PLCG2: variants seen among roughly 807,000 people sequenced by gnomAD.
PLCG2 encodes phospholipase C gamma 2.
In PLCG2, 69 loss-of-function variants were observed where a neutral mutation model predicts 175.6. That is an observed-to-expected ratio of 0.39 (90% CI 0.32 to 0.48). The LOEUF (loss-of-function observed/expected upper bound fraction) is 0.48. Among genes scored for constraint, PLCG2 ranks in the 20% least tolerant of loss-of-function variants. The pLI is 0.91. For synonymous variants in PLCG2, 827 were observed against 624.0 expected (o/e 1.33, Z -4.85); for missense variants, 1,798 against 1,650.9 (o/e 1.09, Z -1.54).
chr16:81,811,010 T>C (rs9930054), intron 2 of PLCG2, among the ~76,000 whole-genome samples: 40,302 of 152,090 alleles, frequency 0.26, 6,097 homozygotes, highest in African/African-American at 0.42. Context: ...TTCCTGGCCC[T>C]AGTGGCTGTG....
Position 81,927,109 on chromosome 16 carries a change from C to T in PLCG2, c.2445C>T (p.Ile815=), listed in dbSNP as rs747815875. The change falls in exon 23 of 33, where the codon ATC becomes ATT. Residue 815 remains isoleucine (I), a synonymous_variant. Coordinates refer to ENST00000564138, the MANE Select transcript of PLCG2 (RefSeq NM_002661.5). ...GWWKGDYGTR[I]QQYFPSNYVE... Reference sequence around the variant, plus strand: ...GGAAAGGAGACTATGGAACCAGGATCCAGCAGTACTTCCCATCCAACTACG... The same window carrying T: ...GGAAAGGAGACTATGGAACCAGGATTCAGCAGTACTTCCCATCCAACTACG... 1.2e-6 allele frequency: 2 copies of T among 1,613,478 alleles called. No individual in the cohort carries two copies. The highest frequency in any genetic ancestry group is 4.5e-5 in the East Asian group (2 of 44,894).
chr16:81,938,792 G>T lies in PLCG2; in HGVS notation c.3199-9G>T, dbSNP rs546604566. 1.3e-6 allele frequency: 2 copies of T among 1,576,906 alleles called. No homozygotes were observed. Among genetic ancestry groups the T allele is most frequent in the South Asian group, 2.2e-5 (2 of 89,338 alleles). The stretch of plus-strand genomic sequence containing the variant: ...AGGGGGGTTCCAATGCTTCCCTTTG[G>T]TGTCCCAGGTTCTCGGTGCTCGCCA... On this transcript the variant is annotated splice_polypyrimidine_tract_variant and intron_variant, in intron 28 of 32. Coordinates refer to ENST00000564138, the MANE Select transcript of PLCG2 (RefSeq NM_002661.5).
chr16:81,821,428 G>A (rs1251283604), intron 2 of PLCG2, among the ~76,000 whole-genome samples: 2 of 152,200 alleles, frequency 1.3e-5, no homozygotes, highest in African/African-American at 4.8e-5. Flanking sequence ...ATGTACATGT[G>A]TAGTTGGGCA....
intron 2 of PLCG2, among the ~76,000 whole-genome samples, chr16:81,851,507 T>G (rs773982961): frequency 1.7e-4 from 26 of 151,974 alleles, no homozygotes; most frequent in Non-Finnish European, 3.4e-4. Context: ...ACATGGCCTT[T>G]TTGTTGTTGT....
In PLCG2 at chr16:81,786,128, A is replaced by C. The variant is rs758215832; in HGVS notation, c.139A>C (p.Met47Leu). 1.2e-6 allele frequency: 2 copies of C among 1,614,200 alleles called. No individual in the cohort carries two copies. Among genetic ancestry groups the C allele is most frequent in the African/African-American group, 1.3e-5 (1 of 75,056 alleles). The change falls in exon 2 of 33, where the codon ATG (methionine) becomes CTG (leucine). Residue 47 changes from methionine (M) to leucine (L), a missense_variant. Met to Leu is a conservative substitution (Grantham distance 15). Coordinates refer to ENST00000564138, the MANE Select transcript of PLCG2 (RefSeq NM_002661.5). ...TPERRTVQVI[M>L]ETRQVAWSKT... Reference sequence around the variant, plus strand: ...CGAGCGGAGAACCGTCCAGGTGATCATGGAGACGCGGCAGGTGGCCTGGAG... The same window carrying C: ...CGAGCGGAGAACCGTCCAGGTGATCCTGGAGACGCGGCAGGTGGCCTGGAG...
At chr16:81,828,090 C>CAA (rs763973143) in intron 2 of PLCG2, among the ~76,000 whole-genome samples, 82 of 49,778 alleles carry the variant, frequency 1.6e-3, no homozygotes, top group Middle Eastern at 0.018. Flanking sequence ...AACTCCGTCT[C>CAA]AAAAAAAAAA....
intron 14 of PLCG2, among the ~76,000 whole-genome samples, chr16:81,901,522 C>G (rs1238340454): frequency 6.6e-6 from 1 of 152,188 alleles, no homozygotes; most frequent in East Asian, 1.9e-4. Flanking sequence ...CAGTTTTCAA[C>G]TGGGGTTTCA....
At chr16:81,742,514 GAGTCTT>G (rs1303915870) in intron 1 of PLCG2, among the ~76,000 whole-genome samples, 1 of 152,180 alleles carries the variant, frequency 6.6e-6, no homozygotes, top group Non-Finnish European at 1.5e-5. Flanking sequence ...TGACTTGGCA[GAGTCTT>G]AGTCCAGCCA....
At chr16:81,943,836 T>A (rs1567544415) in intron 30 of PLCG2, among the ~76,000 whole-genome samples, 1 of 152,078 alleles carries the variant, frequency 6.6e-6, no homozygotes, top group African/African-American at 2.4e-5. Context: ...GAGAGCAATG[T>A]CCCCATAAAC....
chr16:81,888,623 C>T (rs1452956225), intron 9 of PLCG2, among the ~76,000 whole-genome samples: 7 of 152,242 alleles, frequency 4.6e-5, no homozygotes, highest in Admixed American at 3.9e-4. Flanking sequence ...CTCTTATTCC[C>T]ACTTCATGGA....
At chr16:81,903,214 G>A (rs1909225974) in intron 14 of PLCG2, among the ~76,000 whole-genome samples, 1 of 152,228 alleles carries the variant, frequency 6.6e-6, no homozygotes, top group East Asian at 1.9e-4. Flanking sequence ...ACACACAAGG[G>A]TGTGGTGGTG....
chr16:81,918,937 G>A (rs1272597508), intron 19 of PLCG2, among the ~76,000 whole-genome samples: 10 of 151,836 alleles, frequency 6.6e-5, no homozygotes, highest in African/African-American at 2.4e-4. Context: ...TGCTAGTTGA[G>A]TCACCGAAGA....
At chr16:81,744,537 C>G (rs1264342919) in intron 1 of PLCG2, among the ~76,000 whole-genome samples, 1 of 152,110 alleles carries the variant, frequency 6.6e-6, no homozygotes, top group Admixed American at 6.6e-5. Context: ...AATTCCAAAT[C>G]TTTTGGCACT....
chr16:81,931,429 G>A, intron 24 of PLCG2, 68 bp from the exon 25 acceptor site: 1 of 1,492,034 alleles, frequency 6.7e-7, no homozygotes, highest in Non-Finnish European at 9.2e-7. Flanking sequence ...AGCTCAGGCA[G>A]GGTGCAGTCT....
Position 81,958,254 on chromosome 16 carries a change from A to G in PLCG2, c.*256A>G. ...ATGTGCTCCTCATTTTTGGCCTCTCATGTTCCAAACCTCATTGAATAAAAG... is the reference window on the plus strand; with the variant it reads ...ATGTGCTCCTCATTTTTGGCCTCTCGTGTTCCAAACCTCATTGAATAAAAG... On this transcript the variant is annotated 3_prime_UTR_variant, in exon 33 of 33. Coordinates refer to ENST00000564138, the MANE Select transcript of PLCG2 (RefSeq NM_002661.5). The G allele has an allele frequency of 1.9e-6, 1 of 513,730 alleles. No homozygotes were observed. The allele number at this position is 513,730 out of a possible 1,614,324, so 31.8% of individuals were successfully genotyped here.
chr16:81,851,594 C>T (rs1051042693), intron 2 of PLCG2, among the ~76,000 whole-genome samples: 4 of 152,166 alleles, frequency 2.6e-5, no homozygotes, highest in South Asian at 2.1e-4. Context: ...CTCCCTGCAA[C>T]CTCCGCCTCC....
chr16:81,852,790 A>G (rs1473336218), intron 2 of PLCG2, among the ~76,000 whole-genome samples: 1 of 152,196 alleles, frequency 6.6e-6, no homozygotes, highest in Non-Finnish European at 1.5e-5. Flanking sequence ...TCTGTGTTCC[A>G]CATGTTGTCA....
intron 13 of PLCG2, among the ~76,000 whole-genome samples, chr16:81,899,561 C>T (rs913218754): frequency 6.6e-6 from 1 of 152,152 alleles, no homozygotes; most frequent in African/African-American, 2.4e-5. Flanking sequence ...AAGCAGCGCT[C>T]CCCTTCCTGG....
rs1391226300 is a variant in PLCG2, at chr16:81,959,228, C to G, written c.*1230C>G. The G allele has an allele frequency of 1.3e-5, 3 of 225,340 alleles. No homozygotes were observed. The highest frequency in any genetic ancestry group is 5.7e-5 in the Admixed American group (1 of 17,458). 14.0% of individuals were successfully genotyped at this position (225,340 alleles called of 1,614,324 possible). ...GATGGCTGTGGTGGGGAAGAACAAA[C>G]CAGCAGTAAGCCTGATGTTTGATGT... On this transcript the variant is annotated 3_prime_UTR_variant, in exon 33 of 33. Transcript: ENST00000564138.
Sources: allele counts gnomAD v4.1 joint callset (sites outside exome capture counted in the v4.1 genomes callset), GRCh38; gene constraint gnomAD v4.1.1; transcripts MANE v1.5; gene names NCBI Gene and HGNC (gene_info 2026-07-23, HGNC 2026-07-21).